SSBP3: variants seen among roughly 807,000 people sequenced by gnomAD.
The protein encoded by SSBP3 is single-stranded DNA-binding protein 3.
SSBP3 carries 5 observed loss-of-function variants against 69.6 expected under a neutral mutation model. The ratio of observed to expected loss-of-function variants is 0.07; its 90% CI spans 0.04 to 0.15. The LOEUF (loss-of-function observed/expected upper bound fraction) is 0.15, where lower values mean the gene tolerates loss of function less well. SSBP3 is among the 10% of genes least tolerant of loss of function. SSBP3 has a pLI of 1.00. For synonymous variants in SSBP3, 196 were observed against 193.4 expected (o/e 1.01, Z -0.11); for missense variants, 312 against 534.0 (o/e 0.58, Z 4.10).
intron 4 of SSBP3, chr1:54,285,494 T>C (rs1645472178): frequency 6.6e-6 from 1 of 151,906 alleles, no homozygotes; most frequent in East Asian, 1.9e-4. Context: ...TAAGTTATAC[T>C]TTTTAAAAAA....
intron 9 of SSBP3, among the ~76,000 whole-genome samples, chr1:54,249,230 T>C (rs777635076): frequency 3.9e-5 from 6 of 152,236 alleles, no homozygotes; most frequent in Non-Finnish European, 8.8e-5. Context: ...AGTGTTACGA[T>C]GGTCCTAACA....
At chr1:54,240,849 C>T (rs1310822313) in intron 13 of SSBP3, 56 bp downstream of exon 13, 14 of 1,609,864 alleles carry the variant, frequency 8.7e-6, no homozygotes, top group African/African-American at 1.3e-5. Flanking sequence ...GTCTCTCTGG[C>T]AACATGCCCC....
chr1:54,409,156 T>A (rs1335411048), upstream of SSBP3, among the ~76,000 whole-genome samples: 1 of 152,066 alleles, frequency 6.6e-6, no homozygotes, highest in Non-Finnish European at 1.5e-5. Flanking sequence ...CCAGGCCACA[T>A]CTTTGGGCCT....
At chr1:54,399,531 G>A (rs1394898471) in intron 4 of SSBP3, among the ~76,000 whole-genome samples, 1 of 152,148 alleles carries the variant, frequency 6.6e-6, no homozygotes, top group Non-Finnish European at 1.5e-5. Context: ...TTGTATAGGT[G>A]GTTTTTATAG....
At chr1:54,412,297 C>T (rs1453970158) in intron 1 of SSBP3, among the ~76,000 whole-genome samples, 1 of 152,106 alleles carries the variant, frequency 6.6e-6, no homozygotes, top group African/African-American at 2.4e-5. Flanking sequence ...CCACTGCACT[C>T]CAGCCAGGGC....
chr1:54,257,298 G>C, intron 6 of SSBP3, 112 bp from the exon 7 acceptor site: 1 of 943,492 alleles, frequency 1.1e-6, no homozygotes, highest in Non-Finnish European at 1.5e-6. Context: ...GATCTTTTAA[G>C]TTCTTTCTCC....
chr1:54,227,180 A>AC lies in SSBP3; in HGVS notation c.1138-21_1138-20insG. 2.8e-6 allele frequency: 1 copy of AC among 354,658 alleles called. No individual in the cohort carries two copies. Among genetic ancestry groups the AC allele is most frequent in the Non-Finnish European group, 4.6e-6 (1 of 217,532 alleles). 22.0% of individuals were successfully genotyped at this position (354,658 alleles called of 1,614,324 possible). On this transcript the variant is annotated intron_variant, in intron 17 of 17. Transcript: ENST00000610401. ...AGAATACTGGAAAGGAGAAGCAGAG[A>AC]AGGGGGGGGGGTGAGGATTGTGGGG...
chr1:54,332,934 G>GCA (rs903666794), intron 4 of SSBP3, among the ~76,000 whole-genome samples: 41 of 152,036 alleles, frequency 2.7e-4, no homozygotes, highest in African/African-American at 9.7e-4. Flanking sequence ...ACACGCGCGA[G>GCA]CACACACACA....
At chr1:54,376,455 G>A (rs1647240623) in intron 4 of SSBP3, among the ~76,000 whole-genome samples, 1 of 152,172 alleles carries the variant, frequency 6.6e-6, no homozygotes, top group African/African-American at 2.4e-5. Flanking sequence ...GCTCCACCAA[G>A]TAACAAGACA....
chr1:54,406,013 T>C (rs1317331785), exon 1 of SSBP3: 2 of 1,474,678 alleles, frequency 1.4e-6, no homozygotes, highest in Non-Finnish European at 9.0e-7. Flanking sequence ...AAACATGGTT[T>C]GCAGGGAAGA....
At chr1:54,353,452 A>C (rs1359120198) in intron 4 of SSBP3, among the ~76,000 whole-genome samples, 2 of 152,202 alleles carry the variant, frequency 1.3e-5, no homozygotes, top group Non-Finnish European at 2.9e-5. Flanking sequence ...CTTCAGCCTT[A>C]AAGATTTTTC....
In SSBP3 at chr1:54,281,366, G is replaced by A. The variant is rs758393052; in HGVS notation, c.366+72C>T. On this transcript the variant is annotated intron_variant, in intron 5 of 17. Transcript: ENST00000610401. ...AAACTGAGCTACTTACTTCTCTCCC[G>A]CCCTCCCACCTGCCCAGGGCCTCGG... The A allele has an allele frequency of 3.7e-4, 483 of 1,293,278 alleles. 1 individual carries two copies. Among genetic ancestry groups the A allele is most frequent in the Non-Finnish European group, 4.8e-4 (452 of 941,426 alleles). 80.1% of individuals were successfully genotyped at this position (1,293,278 alleles called of 1,614,324 possible).
At chr1:54,378,320 T>C (rs1647347609) in intron 4 of SSBP3, among the ~76,000 whole-genome samples, 1 of 152,162 alleles carries the variant, frequency 6.6e-6, no homozygotes, top group South Asian at 2.1e-4. Flanking sequence ...GACAATCATG[T>C]AACAAATATG....
chr1:54,343,235 C>G (rs768078905), intron 4 of SSBP3, among the ~76,000 whole-genome samples: 30 of 152,196 alleles, frequency 2.0e-4, no homozygotes, highest in Middle Eastern at 3.2e-3. Flanking sequence ...CGCTGCGTGT[C>G]AGGTGTTTGG....
intron 4 of SSBP3, among the ~76,000 whole-genome samples, chr1:54,296,806 C>T (rs1366546872): frequency 6.6e-6 from 1 of 152,172 alleles, no homozygotes. Flanking sequence ...TGGCCTGTCC[C>T]CTGGGGACCA....
intron 5 of SSBP3, among the ~76,000 whole-genome samples, chr1:54,266,139 C>A (rs1368037924): frequency 6.6e-6 from 1 of 152,254 alleles, no homozygotes; most frequent in African/African-American, 2.4e-5. Context: ...TGGACTGCGA[C>A]TGCCATGATA....
At chr1:54,282,645 G>A (rs1645417724) in intron 4 of SSBP3, among the ~76,000 whole-genome samples, 1 of 152,164 alleles carries the variant, frequency 6.6e-6, no homozygotes. Context: ...GGCGGGGCGG[G>A]GCGAGGCTGA....
At chr1:54,240,878 C>G (rs1644623983) in intron 13 of SSBP3, 27 bp downstream of exon 13, 1 of 1,613,012 alleles carries the variant, frequency 6.2e-7, no homozygotes, top group African/African-American at 1.3e-5. Flanking sequence ...CCACCAGACC[C>G]CCCACTTTCC....
chr1:54,373,532 G>A (rs1647169946), intron 4 of SSBP3, among the ~76,000 whole-genome samples: 1 of 152,132 alleles, frequency 6.6e-6, no homozygotes, highest in African/African-American at 2.4e-5. Flanking sequence ...GGGAAGCTGA[G>A]GCGGGTGGAT....
Sources: gnomAD v4.1 joint callset for allele counts (sites outside exome capture counted in the v4.1 genomes callset) on GRCh38, gnomAD v4.1.1 for gene constraint, MANE v1.5 for transcripts, NCBI Gene and HGNC (gene_info 2026-07-23, HGNC 2026-07-21) for gene names.